Variants in DGCR2 observed in about 807,000 individuals in gnomAD.
The protein encoded by DGCR2 is DiGeorge syndrome critical region gene 2.
Under a neutral mutation model 51.6 loss-of-function variants are expected in DGCR2, and 24 were observed. The ratio of observed to expected loss-of-function variants is 0.47; its 90% CI spans 0.34 to 0.65. The LOEUF (loss-of-function observed/expected upper bound fraction) is 0.65, where lower values mean the gene tolerates loss of function less well. DGCR2 is among the 30% of genes least tolerant of loss of function. The probability of loss-of-function intolerance (pLI) is 0.01; values close to 1 mark genes in which losing one functional copy is unlikely to be tolerated. For synonymous variants in DGCR2, 340 were observed against 315.4 expected (o/e 1.08, Z -0.82); for missense variants, 765 against 772.1 (o/e 0.99, Z 0.11).
At chr22:19,051,306 C>T (rs2082546501) in intron 6 of DGCR2, among the ~76,000 whole-genome samples, 2 of 150,590 alleles carry the variant, frequency 1.3e-5, no homozygotes, top group Non-Finnish European at 3.0e-5. Context: ...AAAACAGCAA[C>T]AACAAAACTT....
At position 19,068,285 on chromosome 22, in the gene DGCR2, C is replaced by A. The variant is rs529758522; in HGVS notation, c.203-60G>T. The A allele has an allele frequency of 1.2e-5, 18 of 1,505,204 alleles. No individual in the cohort carries two copies. The East Asian group carries it at 3.2e-4, about 27-fold the overall frequency. 93.2% of individuals were successfully genotyped at this position (1,505,204 alleles called of 1,614,324 possible). On this transcript the variant is annotated intron_variant, in intron 2 of 9. Coordinates refer to ENST00000263196, the MANE Select transcript of DGCR2 (RefSeq NM_005137.3). ...GCCTGTGCAGTCGCAGTCTCCCTGG[C>A]CAGCATGGTTCAGACCACTCAGGGC...
intron 6 of DGCR2, among the ~76,000 whole-genome samples, chr22:19,054,154 C>T (rs1039468247): frequency 6.6e-6 from 1 of 152,160 alleles, no homozygotes; most frequent in Non-Finnish European, 1.5e-5. Context: ...TGTATCCATG[C>T]TAAGTGTTCT....
intron 6 of DGCR2, chr22:19,056,452 G>A: frequency 1.8e-6 from 1 of 544,808 alleles, no homozygotes; most frequent in South Asian, 2.0e-5. Context: ...GCGCCATCCT[G>A]CGAAGCCAGA....
At position 19,102,737 on chromosome 22, in the gene DGCR2, G is replaced by A. The variant is rs560742619; in HGVS notation, c.80-13247C>T. 4.3e-4 allele frequency among the ~76,000 whole-genome samples: 65 copies of A among 152,224 alleles called. 1 individual carries two copies. The highest frequency in any genetic ancestry group is 1.2e-3 in the Admixed American group (19 of 15,290). On this transcript the variant is annotated intron_variant, in intron 1 of 9. Coordinates refer to ENST00000263196, the MANE Select transcript of DGCR2 (RefSeq NM_005137.3). Reference sequence around the variant, plus strand: ...AGGTTAAAATGGGGCTGGGCATGGTGGCTAATGCCTGTAATCGCAGAACTT... The same window carrying A: ...AGGTTAAAATGGGGCTGGGCATGGTAGCTAATGCCTGTAATCGCAGAACTT...
At chr22:19,096,247 CAGAA>C (rs1191197900) in intron 1 of DGCR2, among the ~76,000 whole-genome samples, 4 of 152,084 alleles carry the variant, frequency 2.6e-5, no homozygotes, top group Non-Finnish European at 4.4e-5. Flanking sequence ...AAGCCAGGCA[CAGAA>C]AGACAAACTT....
intron 1 of DGCR2, among the ~76,000 whole-genome samples, chr22:19,098,801 C>T (rs561983638): frequency 6.6e-6 from 1 of 151,928 alleles, no homozygotes; most frequent in Admixed American, 6.6e-5. Flanking sequence ...GCTATGTTGC[C>T]CAGGCTGGTC....
At chr22:19,111,316 C>T (rs576486392) in intron 1 of DGCR2, among the ~76,000 whole-genome samples, 1 of 152,174 alleles carries the variant, frequency 6.6e-6, no homozygotes, top group Non-Finnish European at 1.5e-5. Flanking sequence ...ACTAGCGATG[C>T]CCAACTCAGT....
intron 2 of DGCR2, among the ~76,000 whole-genome samples, chr22:19,072,421 A>G (rs2082825271): frequency 1.3e-5 from 2 of 152,228 alleles, no homozygotes; most frequent in African/African-American, 4.8e-5. Context: ...CAGATAGGGA[A>G]GGACCACCAA....
chr22:19,048,405 G>A (rs1218090616), intron 7 of DGCR2, 35 bp downstream of exon 7: 1 of 1,611,112 alleles, frequency 6.2e-7, no homozygotes, highest in African/African-American at 1.3e-5. Flanking sequence ...CCCAAATAGG[G>A]AGGCTGACTT....
chr22:19,109,061 A>G (rs569451875), intron 1 of DGCR2, among the ~76,000 whole-genome samples: 1 of 152,186 alleles, frequency 6.6e-6, no homozygotes, highest in African/African-American at 2.4e-5. Flanking sequence ...CTCCTTAATC[A>G]TCAGGGAAAT....
rs748113007 is a variant in DGCR2 at position 19,041,946 on chromosome 22, C to G, written c.1020G>C (p.Leu340=). ...GCATCCCGCTGGCCATGGAGTCAAA[C>G]AGACTGTTGCCATCTGAGGGGGAGG... ...FMCLDPDGNS[L]FDSMASGMRL... The change falls in exon 8 of 10, where the codon CTG becomes CTC. Residue 340 remains leucine (L), a synonymous_variant. Transcript: ENST00000263196. 1.2e-6 allele frequency: 2 copies of G among 1,612,982 alleles called. No homozygotes were observed. The highest frequency in any genetic ancestry group is 3.3e-5 in the Admixed American group (2 of 59,932).
intron 2 of DGCR2, among the ~76,000 whole-genome samples, chr22:19,070,979 G>A (rs1278540939): frequency 1.3e-5 from 2 of 152,238 alleles, no homozygotes; most frequent in African/African-American, 4.8e-5. Context: ...GCACAGGACA[G>A]AACCCTTACA....
chr22:19,121,973 G>A (rs2083438564), intron 1 of DGCR2, 155 bp downstream of exon 1: 1 of 352,382 alleles, frequency 2.8e-6, no homozygotes, highest in Non-Finnish European at 4.7e-6. Flanking sequence ...GCAGGCGTCC[G>A]CAGAGAGTGC....
intron 9 of DGCR2, among the ~76,000 whole-genome samples, chr22:19,039,739 C>T (rs1235731191): frequency 6.6e-6 from 1 of 152,032 alleles, no homozygotes; most frequent in Non-Finnish European, 1.5e-5. Context: ...TTTTAAGAGA[C>T]AGGATCTTAA....
chr22:19,105,338 TAGGG>T (rs2083250674), intron 1 of DGCR2, among the ~76,000 whole-genome samples: 1 of 151,804 alleles, frequency 6.6e-6, no homozygotes, highest in African/African-American at 2.4e-5. Flanking sequence ...ACTAAAAAAA[TAGGG>T]AGGACAGAGA....
intron 5 of DGCR2, chr22:19,061,896 T>G (rs961858312): frequency 5.9e-5 from 9 of 152,070 alleles, no homozygotes; most frequent in Admixed American, 3.3e-4. Flanking sequence ...TTTCTAAATT[T>G]TAGGTTCACT....
At chr22:19,062,779 A>ATTCTTTCTCTCTCT in intron 5 of DGCR2, among the ~76,000 whole-genome samples, 1 of 127,354 alleles carries the variant, frequency 7.9e-6, no homozygotes. Context: ...ATGCATGCTC[A>ATTCTTTCTCTCTCT]CTCTCTCTCT....
rs532973105 is a variant in DGCR2, at chr22:19,037,647, T to A, written c.*1218A>T. ...AAAGGAAAGATCCAGACATTCAACG[T>A]AGAAAAGATATGGATGTGCTAAAAA... On this transcript the variant is annotated 3_prime_UTR_variant, in exon 10 of 10. Transcript: ENST00000263196. The A allele has an allele frequency of 6.6e-6, 1 of 152,092 alleles. No homozygotes were observed. The highest frequency in any genetic ancestry group is 1.5e-5 in the Non-Finnish European group (1 of 68,030). The allele number at this position is 152,092 out of a possible 1,614,324, so 9.4% of individuals were successfully genotyped here. A position where few individuals can be genotyped will look rare whatever the true frequency, so the allele number is the denominator to read the frequency against.
chr22:19,081,460 T>C (rs1380343300), intron 2 of DGCR2, among the ~76,000 whole-genome samples: 2 of 152,216 alleles, frequency 1.3e-5, no homozygotes, highest in Non-Finnish European at 2.9e-5. Flanking sequence ...GATTCATCCA[T>C]GTTGCTGCAT....
Sources: allele counts gnomAD v4.1 joint callset (sites outside exome capture counted in the v4.1 genomes callset), GRCh38; gene constraint gnomAD v4.1.1; transcripts MANE v1.5; gene names NCBI Gene and HGNC (gene_info 2026-07-23, HGNC 2026-07-21).